The following MCTP2 variants were observed in gnomAD, a reference collection of about 807,000 sequenced individuals.
MCTP2 encodes the protein multiple C2 and transmembrane domain-containing protein 2.
A neutral mutation model predicts 111.6 loss-of-function variants in MCTP2; 132 were observed. The observed-to-expected ratio is 1.18, with a 90% CI of 1.03 to 1.37. The LOEUF (loss-of-function observed/expected upper bound fraction) is 1.37. Among genes scored for constraint, MCTP2 ranks in the 40% most tolerant of loss-of-function variants. The pLI, the probability that MCTP2 is intolerant of heterozygous loss-of-function variation, is 0.00. For missense variants in MCTP2, 1,183 were observed against 1,067.9 expected, an observed-to-expected ratio of 1.11 and a Z score of -1.50; for synonymous variants, 395 against 387.7, an observed-to-expected ratio of 1.02 and a Z score of -0.22.
intron 12 of MCTP2, among the ~76,000 whole-genome samples, chr15:94,374,428 G>A (rs2079648323): frequency 6.6e-6 from 1 of 152,152 alleles, no homozygotes; most frequent in African/African-American, 2.4e-5. Context: ...TTGACAGTAT[G>A]CTGCTGAGAA....
At chr15:94,352,665 C>A (rs1396139129) in intron 8 of MCTP2, among the ~76,000 whole-genome samples, 1 of 152,118 alleles carries the variant, frequency 6.6e-6, no homozygotes, top group African/African-American at 2.4e-5. Flanking sequence ...ACATTCCAGG[C>A]TGCATTAAGA....
At position 94,464,257 on chromosome 15, in the gene MCTP2, T is replaced by TAA. The variant is rs4001978; in HGVS notation, c.2360+6011_2360+6012insAA. ...TATATATAATATATATATATATATA[T>TAA]TATATATATATATATATATATAAAC... On this transcript the variant is annotated intron_variant, in intron 20 of 22. Coordinates refer to ENST00000357742, the MANE Select transcript of MCTP2 (RefSeq NM_001385001.1). 2.9e-4 allele frequency among the ~76,000 whole-genome samples: 13 copies of TAA among 44,968 alleles called. 2 individuals are homozygous for TAA. Among genetic ancestry groups the TAA allele is most frequent in the African/African-American group, 4.2e-4 (7 of 16,670 alleles). 29.5% of individuals were successfully genotyped at this position (44,968 alleles called of 152,430 possible). A position where few individuals can be genotyped will look rare whatever the true frequency, so the allele number is the denominator to read the frequency against.
Position 94,298,236 on chromosome 15 carries a change from A to C in MCTP2, c.-30A>C. On this transcript the variant is annotated 5_prime_UTR_variant, in exon 2 of 23. Coordinates refer to ENST00000357742, the MANE Select transcript of MCTP2 (RefSeq NM_001385001.1). The stretch of plus-strand genomic sequence containing the variant: ...AGTTTTCAGTAGAGGTGTACTTCTG[A>C]GAAGTGGCTTCTTGGGTCTTCATGC... 1 of 1,547,886 alleles carries C rather than the reference A, an allele frequency of 6.5e-7. No homozygotes were observed. Among genetic ancestry groups the C allele is most frequent in the Non-Finnish European group, 8.7e-7 (1 of 1,145,640 alleles).
At chr15:94,240,976 T>C (rs1308665862) in intron 1 of MCTP2, among the ~76,000 whole-genome samples, 1 of 152,204 alleles carries the variant, frequency 6.6e-6, no homozygotes, top group Non-Finnish European at 1.5e-5. Flanking sequence ...GTGTATCTAT[T>C]ATTAGCATTA....
At chr15:94,327,673 C>G (rs2076942425) in intron 4 of MCTP2, among the ~76,000 whole-genome samples, 1 of 152,214 alleles carries the variant, frequency 6.6e-6, no homozygotes, top group African/African-American at 2.4e-5. Flanking sequence ...TTCCTTCACT[C>G]TTTGAGTTTT....
intron 4 of MCTP2, among the ~76,000 whole-genome samples, chr15:94,336,631 G>A (rs1156398547): frequency 2.0e-5 from 3 of 151,742 alleles, no homozygotes; most frequent in East Asian, 1.9e-4. Flanking sequence ...GGAAGTGGGT[G>A]CAACATTTTT....
intron 1 of MCTP2, among the ~76,000 whole-genome samples, chr15:94,245,155 TG>T (rs1280341547): frequency 6.7e-6 from 1 of 148,478 alleles, no homozygotes. Flanking sequence ...CACACATGTT[TG>T]TATATTTATA....
At chr15:94,351,208 A>G (rs1008054612) in intron 8 of MCTP2, among the ~76,000 whole-genome samples, 2 of 152,150 alleles carry the variant, frequency 1.3e-5, no homozygotes, top group Non-Finnish European at 2.9e-5. Context: ...ATTCTCATGC[A>G]AGGATTTCTG....
At chr15:94,427,783 C>T (rs779956596) in intron 17 of MCTP2, among the ~76,000 whole-genome samples, 85 of 152,030 alleles carry the variant, frequency 5.6e-4, no homozygotes, top group Non-Finnish European at 1.6e-4. Context: ...CTCCTCAGGT[C>T]CTAGAGGCCT....
intron 4 of MCTP2, among the ~76,000 whole-genome samples, chr15:94,326,505 T>C (rs73463815): frequency 0.04 from 6,019 of 152,276 alleles, 408 homozygotes; most frequent in African/African-American, 0.14. Flanking sequence ...TTTGTTGACC[T>C]ACTGGTGTGT....
intron 1 of MCTP2, among the ~76,000 whole-genome samples, chr15:94,287,867 A>G (rs2074835670): frequency 6.6e-6 from 1 of 152,166 alleles, no homozygotes; most frequent in Non-Finnish European, 1.5e-5. Context: ...GGATCTCAGA[A>G]GGAAAGAGAA....
chr15:94,392,714 G>T (rs2081057572), intron 14 of MCTP2, among the ~76,000 whole-genome samples: 1 of 151,868 alleles, frequency 6.6e-6, no homozygotes, highest in African/African-American at 2.4e-5. Context: ...TACTCAGGAG[G>T]CTGGGGCAGG....
Position 94,298,681 on chromosome 15 carries a change from T to C in MCTP2, c.416T>C (p.Phe139Ser). 6.2e-7 allele frequency: 1 copy of C among 1,613,312 alleles called. No individual in the cohort carries two copies. The change falls in exon 2 of 23, where the codon TTT (phenylalanine) becomes TCT (serine). Residue 139 changes from phenylalanine to serine, a missense_variant. Coordinates refer to ENST00000357742, the MANE Select transcript of MCTP2 (RefSeq NM_001385001.1). ...AGACGGGTGTCCAGCAACGGCATCT[T>C]TGATCTTCAGAAAACTTCCCTTGGA... ...ERRRVSSNGI[F>S]DLQKTSLGGD...
chr15:94,267,054 C>A lies in MCTP2; in HGVS notation c.-65-31147C>A, dbSNP rs142681132. On this transcript the variant is annotated intron_variant, in intron 1 of 22. Coordinates refer to ENST00000357742, the MANE Select transcript of MCTP2 (RefSeq NM_001385001.1). ...TAATGTAACTGAAATCCAGTTGATT[C>A]AGTTTTTGTGTTTGCTTTTTGAATA... Among the ~76,000 whole-genome samples the A allele has an allele frequency of 4.6e-3, 708 of 152,268 alleles. 8 individuals carry two copies. The highest frequency in any genetic ancestry group is 0.015 in the African/African-American group (603 of 41,560).
chr15:94,274,429 T>C (rs1225809171), intron 1 of MCTP2, among the ~76,000 whole-genome samples: 1 of 152,034 alleles, frequency 6.6e-6, no homozygotes, highest in South Asian at 2.1e-4. Flanking sequence ...AAACCAAAAT[T>C]AATAAATAAA....
chr15:94,271,523 A>G (rs2073905189), intron 1 of MCTP2, among the ~76,000 whole-genome samples: 1 of 152,174 alleles, frequency 6.6e-6, no homozygotes, highest in Admixed American at 6.5e-5. Flanking sequence ...CTCTTTGGAT[A>G]GACAATAGGT....
intron 12 of MCTP2, among the ~76,000 whole-genome samples, chr15:94,377,953 G>A (rs1159446500): frequency 6.6e-6 from 1 of 152,110 alleles, no homozygotes; most frequent in African/African-American, 2.4e-5. Flanking sequence ...AGCAGGACGA[G>A]AAGACAGAAA....
In MCTP2 at chr15:94,456,126, A is replaced by G. The variant is rs868480909; in HGVS notation, c.2251-2011A>G. Among the ~76,000 whole-genome samples the G allele has an allele frequency of 5.3e-5, 8 of 152,358 alleles. No homozygotes were observed. In the South Asian group the frequency reaches 1.4e-3, roughly 28 times the overall value. ...AAATTAATTGTTTACTTCTACTCTTAAAAGTATTAACAAGTCCAGATGATA... is the reference window on the plus strand; with the variant it reads ...AAATTAATTGTTTACTTCTACTCTTGAAAGTATTAACAAGTCCAGATGATA... On this transcript the variant is annotated intron_variant, in intron 19 of 22. Transcript: ENST00000357742.
At chr15:94,424,908 A>G (rs976311631) in intron 17 of MCTP2, among the ~76,000 whole-genome samples, 4 of 151,584 alleles carry the variant, frequency 2.6e-5, no homozygotes, top group South Asian at 2.1e-4. Flanking sequence ...TTTTTTTTGT[A>G]TAAGCATTTA....
Sources: gnomAD v4.1 joint callset for allele counts (sites outside exome capture counted in the v4.1 genomes callset) on GRCh38, gnomAD v4.1.1 for gene constraint, MANE v1.5 for transcripts, NCBI Gene and HGNC (gene_info 2026-07-23, HGNC 2026-07-21) for gene names.